The following RTN1 variants were observed in gnomAD, a reference collection of about 807,000 sequenced individuals.
RTN1 encodes the protein reticulon-1.
Under a neutral mutation model 65.5 loss-of-function variants are expected in RTN1, and 25 were observed. The observed-to-expected ratio is 0.38, with a 90% CI of 0.28 to 0.53. The LOEUF is 0.53. Ranked by LOEUF, RTN1 falls within the 20% of genes least tolerant of loss-of-function variation. The pLI, the probability that RTN1 is intolerant of heterozygous loss-of-function variation, is 0.79. For synonymous variants in RTN1, 471 were observed against 447.6 expected (o/e 1.05, Z -0.66); for missense variants, 983 against 1,025.4 (o/e 0.96, Z 0.57).
chr14:59,665,470 C>T (rs1050712895), intron 3 of RTN1, among the ~76,000 whole-genome samples: 1 of 152,152 alleles, frequency 6.6e-6, no homozygotes, highest in Admixed American at 6.5e-5. Flanking sequence ...ACAACCGGTA[C>T]CAGCCACTGC....
At chr14:59,787,697 G>A (rs536465712) in intron 1 of RTN1, among the ~76,000 whole-genome samples, 2 of 152,262 alleles carry the variant, frequency 1.3e-5, no homozygotes, top group South Asian at 4.2e-4. Flanking sequence ...GGGAGGTGGG[G>A]AAGAGGCTGG....
At chr14:59,661,725 A>G (rs1288496007) in intron 3 of RTN1, among the ~76,000 whole-genome samples, 6 of 152,234 alleles carry the variant, frequency 3.9e-5, no homozygotes, top group African/African-American at 7.2e-5. Context: ...AAAACTCTCA[A>G]TAAACTAGGT....
At chr14:59,751,127 A>T (rs1885511431) in intron 1 of RTN1, among the ~76,000 whole-genome samples, 1 of 150,718 alleles carries the variant, frequency 6.6e-6, no homozygotes, top group Admixed American at 6.6e-5. Context: ...TTAGCAAGTG[A>T]CTTAATTTTG....
chr14:59,698,861 T>G (rs1884118159), intron 3 of RTN1, among the ~76,000 whole-genome samples: 1 of 152,238 alleles, frequency 6.6e-6, no homozygotes, highest in Admixed American at 6.5e-5. Flanking sequence ...ATGTGCCAGA[T>G]AAATTCACTA....
chr14:59,762,345 T>C (rs572532304), intron 1 of RTN1, among the ~76,000 whole-genome samples: 1 of 152,330 alleles, frequency 6.6e-6, no homozygotes. Flanking sequence ...TTAAAATATA[T>C]GCTCACTATG....
chr14:59,847,996 C>T (rs1242137112), intron 1 of RTN1, among the ~76,000 whole-genome samples: 1 of 152,126 alleles, frequency 6.6e-6, no homozygotes, highest in Admixed American at 6.6e-5. Context: ...CTCACCAGGC[C>T]CAAACCTGCT....
chr14:59,683,382 A>T (rs1247176776), intron 3 of RTN1, among the ~76,000 whole-genome samples: 1 of 152,054 alleles, frequency 6.6e-6, no homozygotes, highest in East Asian at 1.9e-4. Flanking sequence ...ACACATCTTT[A>T]TCTGTCAATT....
chr14:59,804,967 T>C (rs1886611054), intron 1 of RTN1, among the ~76,000 whole-genome samples: 2 of 152,196 alleles, frequency 1.3e-5, no homozygotes, highest in Non-Finnish European at 2.9e-5. Context: ...CCCAAGCAGG[T>C]CACAGATCTT....
At chr14:59,692,788 G>T (rs1362846955) in intron 3 of RTN1, among the ~76,000 whole-genome samples, 1 of 152,044 alleles carries the variant, frequency 6.6e-6, no homozygotes, top group East Asian at 1.9e-4. Flanking sequence ...ATTCAACAAG[G>T]TTGATATATC....
In RTN1 at chr14:59,774,140, G is replaced by A. The variant is rs1030667610; in HGVS notation, c.242-27659C>T. Among the ~76,000 whole-genome samples the A allele has an allele frequency of 1.3e-5, 2 of 152,098 alleles. No individual in the cohort carries two copies. The highest frequency in any genetic ancestry group is 6.6e-5 in the Admixed American group (1 of 15,260). ...GACTGACAGTTCCACTTACATGAAAGAGATGCTTTAAGTAGCAGAATTAAA... is the reference window on the plus strand; with the variant it reads ...GACTGACAGTTCCACTTACATGAAAAAGATGCTTTAAGTAGCAGAATTAAA... On this transcript the variant is annotated intron_variant, in intron 1 of 8. Transcript: ENST00000267484. The surrounding 1 kb of genome is among the most constrained non-coding windows in gnomAD (Gnocchi z 5.1).
chr14:59,797,161 T>C (rs1469289775), intron 1 of RTN1, among the ~76,000 whole-genome samples: 1 of 152,198 alleles, frequency 6.6e-6, no homozygotes, highest in Non-Finnish European at 1.5e-5. Context: ...ATGAAGCAGT[T>C]TGAGCTTCTT....
At chr14:59,863,409 G>A (rs902628249) in intron 1 of RTN1, among the ~76,000 whole-genome samples, 5 of 152,002 alleles carry the variant, frequency 3.3e-5, no homozygotes, top group African/African-American at 9.7e-5. Context: ...CAAATCCAGT[G>A]GCTGGCTCTC....
At chr14:59,692,883 T>C (rs1883989947) in intron 3 of RTN1, among the ~76,000 whole-genome samples, 1 of 152,200 alleles carries the variant, frequency 6.6e-6, no homozygotes, top group Admixed American at 6.5e-5. Flanking sequence ...GGTGCTGGGA[T>C]AGCTGGCTAG....
intron 3 of RTN1, among the ~76,000 whole-genome samples, chr14:59,692,915 C>T (rs1229300527): frequency 6.6e-6 from 1 of 152,112 alleles, no homozygotes; most frequent in Non-Finnish European, 1.5e-5. Context: ...AGTAATGAGC[C>T]ACCACCTTTA....
rs1205878918 is a variant in RTN1, at chr14:59,745,833, T to C, written c.890A>G (p.Gln297Arg). Reference protein sequence around the residue: ...EIEPSVETTTQEKTPEKQDIC... With the variant: ...EIEPSVETTTREKTPEKQDIC... ...ATCTTGCTTCTCAGGGGTCTTCTCT[T>C]GGGTAGTGGTTTCAACAGAAGGTTC... is the stretch of plus-strand genomic sequence containing the variant. The change falls in exon 2 of 9, where the codon CAA becomes CGA. Residue 297 changes from glutamine to arginine, a missense_variant. Physicochemically the swap from Gln to Arg is conservative, Grantham distance 43. Transcript: ENST00000267484. 1.2e-6 allele frequency: 2 copies of C among 1,613,926 alleles called. No homozygotes were observed. Among genetic ancestry groups the C allele is most frequent in the African/African-American group, 1.3e-5 (1 of 74,854 alleles).
intron 1 of RTN1, among the ~76,000 whole-genome samples, chr14:59,850,364 A>G (rs541703427): frequency 1.2e-3 from 180 of 152,346 alleles, no homozygotes; most frequent in African/African-American, 4.2e-3. Context: ...CACAAAGCCT[A>G]TTTTATAATA....
At chr14:59,749,829 AT>A (rs2139521402) in intron 1 of RTN1, among the ~76,000 whole-genome samples, 1 of 111,792 alleles carries the variant, frequency 8.9e-6, no homozygotes, top group South Asian at 2.4e-4. Context: ...ATTTATATAT[AT>A]CTATATGTAT....
intron 3 of RTN1, among the ~76,000 whole-genome samples, chr14:59,718,013 C>T (rs996771488): frequency 7.2e-5 from 11 of 152,218 alleles, no homozygotes; most frequent in Admixed American, 7.2e-4. Flanking sequence ...CAACAAACTG[C>T]TTCCGATATA....
intron 3 of RTN1, among the ~76,000 whole-genome samples, chr14:59,691,379 C>T (rs561640333): frequency 6.6e-6 from 1 of 152,078 alleles, no homozygotes; most frequent in Non-Finnish European, 1.5e-5. Context: ...CCCAAGACTG[C>T]ATCAGGAAGA....
Sources: gnomAD v4.1 joint callset for allele counts (sites outside exome capture counted in the v4.1 genomes callset) on GRCh38, gnomAD v4.1.1 for gene constraint, Gnocchi (gnomAD v3.1) non-coding constraint, MANE v1.5 for transcripts, NCBI Gene and HGNC (gene_info 2026-07-23, HGNC 2026-07-21) for gene names.